UBE2B: variants seen among roughly 807,000 people sequenced by gnomAD.
The protein encoded by UBE2B is ubiquitin conjugating enzyme E2 B.
In UBE2B, 11 loss-of-function variants were observed where a neutral mutation model predicts 24.6. The ratio of observed to expected loss-of-function variants is 0.45; its 90% CI spans 0.28 to 0.74. UBE2B has a LOEUF of 0.74. UBE2B is among the 30% of genes least tolerant of loss of function. The pLI, the probability that UBE2B is intolerant of heterozygous loss-of-function variation, is 0.13. For missense variants in UBE2B, 78 were observed against 185.6 expected (o/e 0.42, Z 3.37); for synonymous variants, 68 against 62.4 (o/e 1.09, Z -0.42).
chr5:134,371,605 C>A lies in UBE2B; in HGVS notation c.10C>A (p.Pro4Thr). ...GGGGCAGCTGCGGAGCATGTCGACC[C>A]CGGCCCGGAGGAGGCTCATGCGGGA... is the stretch of plus-strand genomic sequence containing the variant. MST[P>T]ARRRLMRDFK... is the part of the protein sequence containing the mutation. Residue 4 changes from proline (P) to threonine (T), a missense_variant, in exon 1 of 6, where the codon CCG (proline) becomes ACG (threonine). Physicochemically the swap from Pro to Thr is conservative, Grantham distance 38. Coordinates refer to ENST00000265339, the MANE Select transcript of UBE2B (RefSeq NM_003337.4). The A allele has an allele frequency of 6.2e-7, 1 of 1,613,006 alleles. No individual in the cohort carries two copies. The highest frequency in any genetic ancestry group is 8.5e-7 in the Non-Finnish European group (1 of 1,179,858).
chr5:134,378,883 C>T (rs34016810), intron 3 of UBE2B, among the ~76,000 whole-genome samples: 3 of 148,506 alleles, frequency 2.0e-5, no homozygotes, highest in East Asian at 2.0e-4. Flanking sequence ...GCGCCAAGAT[C>T]GCACCATTGC....
chr5:134,389,110 C>T, intron 5 of UBE2B: 1 of 224,246 alleles, frequency 4.5e-6, no homozygotes, highest in South Asian at 4.7e-5. Context: ...TGCTACCACG[C>T]CTGGCTAAGT....
At chr5:134,387,979 T>C (rs1226617596) in intron 4 of UBE2B, among the ~76,000 whole-genome samples, 1 of 152,056 alleles carries the variant, frequency 6.6e-6, no homozygotes, top group Non-Finnish European at 1.5e-5. Flanking sequence ...ATTTTTATAA[T>C]TTTAGTAGAG....
intron 4 of UBE2B, among the ~76,000 whole-genome samples, chr5:134,383,314 ATT>A (rs895922715): frequency 1.3e-5 from 2 of 151,912 alleles, no homozygotes; most frequent in African/African-American, 4.8e-5. Flanking sequence ...AATCTTAAAA[ATT>A]TTTTTGTTGT....
chr5:134,374,434 C>T lies in UBE2B; in HGVS notation c.96C>T (p.Asn32=), dbSNP rs1208466974. The change falls in exon 2 of 6, where the codon AAC becomes AAT. Residue 32 remains asparagine, a synonymous_variant. Coordinates refer to ENST00000265339, the MANE Select transcript of UBE2B (RefSeq NM_003337.4). ...VGVSGAPSEN[N]IMQWNAVIFG... ...TCAGTGGCGCACCATCTGAAAACAA[C>T]ATCATGCAGTGGAATGCAGTTATAT... The T allele has an allele frequency of 1.3e-6, 2 of 1,556,836 alleles. No individual in the cohort carries two copies. Among genetic ancestry groups the T allele is most frequent in the Non-Finnish European group, 1.7e-6 (2 of 1,149,250 alleles).
intron 5 of UBE2B, chr5:134,389,967 C>T (rs1428709483): frequency 7.0e-6 from 3 of 429,970 alleles, no homozygotes; most frequent in East Asian, 1.0e-4. Context: ...AGGCACAAGC[C>T]ACTGTACCCA....
At chr5:134,372,361 C>A (rs1178454670) in intron 1 of UBE2B, among the ~76,000 whole-genome samples, 1 of 152,172 alleles carries the variant, frequency 6.6e-6, no homozygotes, top group Non-Finnish European at 1.5e-5. Context: ...TGGCGCTAAT[C>A]TGATACTCCC....
chr5:134,374,635 A>G (rs1758568533), intron 2 of UBE2B, 172 bp downstream of exon 2: 1 of 722,070 alleles, frequency 1.4e-6, no homozygotes, highest in Non-Finnish European at 2.3e-6. Context: ...GGCCCAGCAC[A>G]GTAGTAGCTC....
intron 1 of UBE2B, among the ~76,000 whole-genome samples, chr5:134,373,475 T>C (rs1758533029): frequency 6.6e-6 from 1 of 151,568 alleles, no homozygotes; most frequent in Non-Finnish European, 1.5e-5. Flanking sequence ...ACATCAATTC[T>C]TTTTTTTTAA....
At chr5:134,377,542 T>A (rs1474333630) in intron 3 of UBE2B, among the ~76,000 whole-genome samples, 1 of 152,228 alleles carries the variant, frequency 6.6e-6, no homozygotes, top group African/African-American at 2.4e-5. Context: ...ATCACATTTT[T>A]AGCAAATACA....
At chr5:134,372,305 C>T (rs1278708301) in intron 1 of UBE2B, among the ~76,000 whole-genome samples, 2 of 152,090 alleles carry the variant, frequency 1.3e-5, no homozygotes, top group African/African-American at 4.8e-5. Flanking sequence ...TGAAGAAAGC[C>T]CCTATCTATA....
Position 134,371,604 on chromosome 5 carries a change from C to A in UBE2B, c.9C>A (p.Thr3=), listed in dbSNP as rs748632151. 6.2e-7 allele frequency: 1 copy of A among 1,612,922 alleles called. No homozygotes were observed. The highest frequency in any genetic ancestry group is 8.5e-7 in the Non-Finnish European group (1 of 1,179,812). Reference sequence around the variant, plus strand: ...CGGGGCAGCTGCGGAGCATGTCGACCCCGGCCCGGAGGAGGCTCATGCGGG... The same window carrying A: ...CGGGGCAGCTGCGGAGCATGTCGACACCGGCCCGGAGGAGGCTCATGCGGG... MS[T]PARRRLMRDF... Residue 3 remains threonine, a synonymous_variant, in exon 1 of 6, where the codon ACC becomes ACA. Coordinates refer to ENST00000265339, the MANE Select transcript of UBE2B (RefSeq NM_003337.4).
chr5:134,388,131 G>T, intron 4 of UBE2B, 194 bp from the exon 5 acceptor site: 1 of 591,632 alleles, frequency 1.7e-6, no homozygotes, highest in Non-Finnish European at 3.0e-6. Flanking sequence ...CATGAGATTT[G>T]GAGGGAACAT....
intron 4 of UBE2B, among the ~76,000 whole-genome samples, chr5:134,383,726 T>C (rs1561681964): frequency 6.6e-6 from 1 of 152,010 alleles, no homozygotes; most frequent in Non-Finnish European, 1.5e-5. Context: ...CTCCCAAATG[T>C]TGGGATTACA....
At chr5:134,371,728 C>T in intron 1 of UBE2B, 89 bp downstream of exon 1, 2 of 1,564,318 alleles carry the variant, frequency 1.3e-6, no homozygotes, top group East Asian at 2.3e-5. Context: ...CCTTTGTGAC[C>T]CTCAGAGGGC....
chr5:134,375,664 TGGC>T (rs1758585293), intron 2 of UBE2B, among the ~76,000 whole-genome samples: 1 of 151,550 alleles, frequency 6.6e-6, no homozygotes, highest in African/African-American at 2.4e-5. Context: ...CCGGGCGAGG[TGGC>T]GGGCGCCTGT....
At chr5:134,377,727 G>C (rs1418478618) in intron 3 of UBE2B, among the ~76,000 whole-genome samples, 1 of 151,982 alleles carries the variant, frequency 6.6e-6, no homozygotes, top group East Asian at 1.9e-4. Flanking sequence ...ACCCTCTCGG[G>C]GGACCCATAC....
At chr5:134,376,722 A>C in intron 3 of UBE2B, 28 bp downstream of exon 3, 1 of 1,601,654 alleles carries the variant, frequency 6.2e-7, no homozygotes, top group East Asian at 2.3e-5. Context: ...TGTTTTCTAT[A>C]GTGTTATGAG....
chr5:134,386,689 C>G lies in UBE2B; in HGVS notation c.242-1636C>G, dbSNP rs183815195. Among the ~76,000 whole-genome samples, 7 of 151,720 alleles carry G rather than the reference C, an allele frequency of 4.6e-5. No homozygotes were observed. The East Asian group carries it at 1.2e-3, about 25-fold the overall frequency. On this transcript the variant is annotated intron_variant, in intron 4 of 5. Coordinates refer to ENST00000265339, the MANE Select transcript of UBE2B (RefSeq NM_003337.4). ...TCCATAACCCTACTATTACAAATAT[C>G]CACTACTTACATTTTGACATTCGGT... is the stretch of plus-strand genomic sequence containing the variant.
Sources: gnomAD v4.1 joint callset for allele counts (sites outside exome capture counted in the v4.1 genomes callset) on GRCh38, gnomAD v4.1.1 for gene constraint, MANE v1.5 for transcripts, NCBI Gene and HGNC (gene_info 2026-07-23, HGNC 2026-07-21) for gene names.